Variants in DPYSL2 observed in about 807,000 individuals in gnomAD.
DPYSL2 encodes the protein dihydropyrimidinase like 2.
In DPYSL2, 13 loss-of-function variants were observed where a neutral mutation model predicts 69.9. The observed-to-expected ratio is 0.19, with a 90% CI of 0.12 to 0.30. The LOEUF (loss-of-function observed/expected upper bound fraction) is 0.30. Among genes scored for constraint, DPYSL2 ranks in the 10% least tolerant of loss-of-function variants. The pLI is 1.00. For missense variants in DPYSL2, 587 were observed against 918.9 expected, an observed-to-expected ratio of 0.64 and a Z score of 4.67; for synonymous variants, 326 against 359.1, an observed-to-expected ratio of 0.91 and a Z score of 1.04.
Position 26,653,059 on chromosome 8 carries a change from G to A in DPYSL2, c.1777-173G>A, listed in dbSNP as rs991379928. On this transcript the variant is annotated intron_variant, in intron 12 of 13. Coordinates refer to ENST00000521913, the MANE Select transcript of DPYSL2 (RefSeq NM_001197293.3). The surrounding 1 kb of genome is among the most constrained non-coding windows in gnomAD (Gnocchi z 5.7). ...GTTAACCAGTTACTGGACCTTGTGG[G>A]GAGTTTTGGCCTGGCATGGTGGGAG... Among the ~76,000 whole-genome samples the A allele has an allele frequency of 6.6e-6, 1 of 152,150 alleles. No homozygotes were observed.
Position 26,564,069 on chromosome 8 carries a change from A to C in DPYSL2, c.355-17900A>C, listed in dbSNP as rs1347440845. 1.3e-5 allele frequency among the ~76,000 whole-genome samples: 2 copies of C among 152,230 alleles called. No homozygotes were observed. Among genetic ancestry groups the C allele is most frequent in the Non-Finnish European group, 1.5e-5 (1 of 68,030 alleles). On this transcript the variant is annotated intron_variant, in intron 1 of 13. Transcript: ENST00000521913. This position sits in a 1 kb window ranked among gnomAD's most constrained non-coding sequence, Gnocchi z 4.8. The stretch of plus-strand genomic sequence containing the variant: ...GAAAAGAGCCAGAAAAAAAGGCATC[A>C]CAGAAGCGAGGGAGGGGAATTTGGA...
At chr8:26,651,459 A>G (rs1480223142) in intron 11 of DPYSL2, among the ~76,000 whole-genome samples, 1 of 152,296 alleles carries the variant, frequency 6.6e-6, no homozygotes. Context: ...ACTCAGCCAC[A>G]GCCATTGGTC....
chr8:26,514,576 G>T lies in DPYSL2; in HGVS notation c.251G>T (p.Arg84Leu), dbSNP rs1347409199. The change falls in exon 1 of 14, where the codon CGG becomes CTG. Residue 84 changes from arginine to leucine, a missense_variant. Transcript: ENST00000521913. The surrounding 1 kb of genome is among the most constrained non-coding windows in gnomAD (Gnocchi z 8.4). The part of the protein sequence containing the change: ...LGPDPQPPYS[R>L]QGRRAGGEPS... ...CCGGACCCGCAGCCGCCGTACTCGC[G>T]GCAGGGCCGGCGCGCCGGCGGAGAG... The T allele has an allele frequency of 6.6e-7, 1 of 1,522,670 alleles. No individual in the cohort carries two copies. The highest frequency in any genetic ancestry group is 8.8e-7 in the Non-Finnish European group (1 of 1,140,814). The allele number at this position is 1,522,670 out of a possible 1,614,324, so 94.3% of individuals were successfully genotyped here.
intron 1 of DPYSL2, among the ~76,000 whole-genome samples, chr8:26,578,702 GA>G (rs1189351684): frequency 1.3e-5 from 2 of 152,242 alleles, no homozygotes; most frequent in African/African-American, 4.8e-5. Context: ...GCGATGGGGA[GA>G]TGGGGACTTG....
At position 26,617,261 on chromosome 8, in the gene DPYSL2, T is replaced by A. The variant is rs1045604103; in HGVS notation, c.629-6882T>A. 3.9e-5 allele frequency among the ~76,000 whole-genome samples: 6 copies of A among 152,106 alleles called. No individual in the cohort carries two copies. Among genetic ancestry groups the A allele is most frequent in the Admixed American group, 2.6e-4 (4 of 15,270 alleles). ...GTCATTTCTTAAAACTCCATGTGAG[T>A]CTATAGTGAGTTTTAAAAAGAAAAA... On this transcript the variant is annotated intron_variant, in intron 3 of 13. Transcript: ENST00000521913. The surrounding 1 kb of genome is among the most constrained non-coding windows in gnomAD (Gnocchi z 4.7).
Position 26,564,768 on chromosome 8 carries a change from T to TTG in DPYSL2, c.355-17200_355-17199insGT, listed in dbSNP as rs1801123193. On this transcript the variant is annotated intron_variant, in intron 1 of 13. Transcript: ENST00000521913. This position sits in a 1 kb window ranked among gnomAD's most constrained non-coding sequence, Gnocchi z 4.8. ...CCCAGTTTCTTTTTAAAAGAATTTT[T>TTG]TTTTTAAAAAATTTCAATAGCTTTT... is the stretch of plus-strand genomic sequence containing the variant. Among the ~76,000 whole-genome samples the TTG allele has an allele frequency of 6.6e-6, 1 of 152,174 alleles. No individual in the cohort carries two copies. The highest frequency in any genetic ancestry group is 6.5e-5 in the Admixed American group (1 of 15,278).
intron 7 of DPYSL2, among the ~76,000 whole-genome samples, chr8:26,632,043 A>G (rs1309836437): frequency 6.6e-6 from 1 of 152,230 alleles, no homozygotes; most frequent in Non-Finnish European, 1.5e-5. Flanking sequence ...CATCACTAGC[A>G]TGATGGTTCT....
chr8:26,612,806 G>T (rs1315584504), intron 3 of DPYSL2, among the ~76,000 whole-genome samples: 4 of 152,220 alleles, frequency 2.6e-5, no homozygotes, highest in African/African-American at 9.6e-5. Context: ...GGAGGCGGTG[G>T]TTTAAGCTGT....
chr8:26,517,067 G>T lies in DPYSL2; in HGVS notation c.354+2388G>T, dbSNP rs1808301064. ...AATTGGAAGCCCTGACGCAGAGAAA[G>T]GTGGGGGAGATTGAGAATGGGTGGA... is the stretch of plus-strand genomic sequence containing the variant. On this transcript the variant is annotated intron_variant, in intron 1 of 13. Coordinates refer to ENST00000521913, the MANE Select transcript of DPYSL2 (RefSeq NM_001197293.3). This position sits in a 1 kb window ranked among gnomAD's most constrained non-coding sequence, Gnocchi z 4.2. 6.6e-6 allele frequency among the ~76,000 whole-genome samples: 1 copy of T among 152,152 alleles called. No individual in the cohort carries two copies. The highest frequency in any genetic ancestry group is 2.1e-4 in the South Asian group (1 of 4,828).
Position 26,624,120 on chromosome 8 carries a change from G to T in DPYSL2, c.629-23G>T. The T allele has an allele frequency of 6.2e-7, 1 of 1,613,720 alleles. No individual in the cohort carries two copies. Among genetic ancestry groups the T allele is most frequent in the South Asian group, 1.1e-5 (1 of 90,990 alleles). On this transcript the variant is annotated intron_variant, in intron 3 of 13. Transcript: ENST00000521913. This position sits in a 1 kb window ranked among gnomAD's most constrained non-coding sequence, Gnocchi z 4.7. ...GGCCCTTGAGGCTCTTGGTGATGATGACATATGTCTGTTTCTTTCTAGTTG... is the reference window on the plus strand; with the variant it reads ...GGCCCTTGAGGCTCTTGGTGATGATTACATATGTCTGTTTCTTTCTAGTTG...
intron 3 of DPYSL2, among the ~76,000 whole-genome samples, chr8:26,606,493 A>C (rs1045862840): frequency 6.6e-6 from 1 of 152,196 alleles, no homozygotes; most frequent in Non-Finnish European, 1.5e-5. Context: ...TTCGACTTGC[A>C]ATATATGATA....
chr8:26,548,718 TAA>T (rs1179237088), intron 1 of DPYSL2, among the ~76,000 whole-genome samples: 1 of 143,910 alleles, frequency 6.9e-6, no homozygotes, highest in Admixed American at 7.0e-5. Context: ...CCTCCTCTCT[TAA>T]AAAAAAAAAG....
At position 26,598,027 on chromosome 8, in the gene DPYSL2, G is replaced by A. The variant is rs139911806; in HGVS notation, c.628+14044G>A. 6.1e-4 allele frequency among the ~76,000 whole-genome samples: 93 copies of A among 152,240 alleles called. No individual in the cohort carries two copies. The highest frequency in any genetic ancestry group is 1.0e-3 in the Non-Finnish European group (68 of 68,012). ...GCTCGGTGCCCCACGGCTTGGTCCT[G>A]GTTTTCTGAATCGTCAGATGCACCT... On this transcript the variant is annotated intron_variant, in intron 3 of 13. Coordinates refer to ENST00000521913, the MANE Select transcript of DPYSL2 (RefSeq NM_001197293.3). This position sits in a 1 kb window ranked among gnomAD's most constrained non-coding sequence, Gnocchi z 4.2.
At chr8:26,618,333 TAGAC>T (rs758375190) in intron 3 of DPYSL2, among the ~76,000 whole-genome samples, 9 of 147,772 alleles carry the variant, frequency 6.1e-5, no homozygotes, top group Non-Finnish European at 1.3e-4. Context: ...TTTTTCTTAA[TAGAC>T]AGTCTTTATC....
Position 26,643,700 on chromosome 8 carries a change from G to A in DPYSL2, c.1283+105G>A. On this transcript the variant is annotated intron_variant, in intron 9 of 13. Coordinates refer to ENST00000521913, the MANE Select transcript of DPYSL2 (RefSeq NM_001197293.3). This position sits in a 1 kb window ranked among gnomAD's most constrained non-coding sequence, Gnocchi z 6.5. ...GTGGCCAAGAGCAGCCATAAAACTG[G>A]GAGACCCTTGTTCACCAAACTAGGT... is the stretch of plus-strand genomic sequence containing the variant. The A allele has an allele frequency of 2.0e-6, 3 of 1,526,188 alleles. No homozygotes were observed. The highest frequency in any genetic ancestry group is 2.7e-6 in the Non-Finnish European group (3 of 1,112,904). 94.5% of individuals were successfully genotyped at this position (1,526,188 alleles called of 1,614,324 possible).
chr8:26,562,340 C>T lies in DPYSL2; in HGVS notation c.355-19629C>T, dbSNP rs1198125767. On this transcript the variant is annotated intron_variant, in intron 1 of 13. Coordinates refer to ENST00000521913, the MANE Select transcript of DPYSL2 (RefSeq NM_001197293.3). This position sits in a 1 kb window ranked among gnomAD's most constrained non-coding sequence, Gnocchi z 4.9. ...GCAAAGCACTGAGAACAATGCCTGGCCCAGTAATTGCTGCAAAAGTGGTAG... is the reference window on the plus strand; with the variant it reads ...GCAAAGCACTGAGAACAATGCCTGGTCCAGTAATTGCTGCAAAAGTGGTAG... Among the ~76,000 whole-genome samples the T allele has an allele frequency of 1.3e-5, 2 of 152,154 alleles. No homozygotes were observed. The highest frequency in any genetic ancestry group is 4.8e-5 in the African/African-American group (2 of 41,428).
At position 26,652,502 on chromosome 8, in the gene DPYSL2, T is replaced by G; in HGVS notation, c.1776+66T>G. The G allele has an allele frequency of 6.7e-7, 1 of 1,492,788 alleles. No homozygotes were observed. Among genetic ancestry groups the G allele is most frequent in the African/African-American group, 1.4e-5 (1 of 71,784 alleles). The allele number at this position is 1,492,788 out of a possible 1,614,324, so 92.5% of individuals were successfully genotyped here. On this transcript the variant is annotated intron_variant, in intron 12 of 13. Coordinates refer to ENST00000521913, the MANE Select transcript of DPYSL2 (RefSeq NM_001197293.3). This position sits in a 1 kb window ranked among gnomAD's most constrained non-coding sequence, Gnocchi z 6.3. ...AATTAAGTTCAAGGCCACAAACATT[T>G]ATTAAGCACCTTGAGACAGAATATT...
At chr8:26,594,876 C>T (rs546935338) in intron 3 of DPYSL2, among the ~76,000 whole-genome samples, 39 of 152,138 alleles carry the variant, frequency 2.6e-4, no homozygotes, top group African/African-American at 9.2e-4. Context: ...GGAAAAACAA[C>T]GATGTATAAG....
chr8:26,541,785 G>GA (rs1177768436), intron 1 of DPYSL2, among the ~76,000 whole-genome samples: 1 of 151,520 alleles, frequency 6.6e-6, no homozygotes. Context: ...TAATAGCAAA[G>GA]AAAAAAACCT....
Sources: gnomAD v4.1 joint callset for allele counts (sites outside exome capture counted in the v4.1 genomes callset) on GRCh38, gnomAD v4.1.1 for gene constraint, Gnocchi (gnomAD v3.1) non-coding constraint, MANE v1.5 for transcripts, NCBI Gene and HGNC (gene_info 2026-07-23, HGNC 2026-07-21) for gene names.